CBLN2: variants seen among roughly 807,000 people sequenced by gnomAD.
CBLN2 encodes cerebellin 2 precursor.
CBLN2 carries 7 observed loss-of-function variants against 15.0 expected under a neutral mutation model. The observed-to-expected ratio is 0.47, with a 90% CI of 0.27 to 0.88. The LOEUF (loss-of-function observed/expected upper bound fraction) is 0.88, where lower values mean the gene tolerates loss of function less well. CBLN2 is among the 40% of genes least tolerant of loss of function. The probability of loss-of-function intolerance (pLI) is 0.14; values close to 1 mark genes in which losing one functional copy is unlikely to be tolerated. For missense variants in CBLN2, 242 were observed against 304.5 expected, an observed-to-expected ratio of 0.79 and a Z score of 1.53; for synonymous variants, 149 against 135.2, an observed-to-expected ratio of 1.10 and a Z score of -0.71.
Position 72,542,235 on chromosome 18 carries a change from C to G in CBLN2, c.-75G>C. On this transcript the variant is annotated 5_prime_UTR_variant, in exon 3 of 5. Coordinates refer to ENST00000269503, the MANE Select transcript of CBLN2 (RefSeq NM_182511.4). ...AGCGGCGCGGAAGGGCGCGAAGGAA[C>G]GCGCGGAGCTCGCAGCAGCCTCCGG... 9.8e-7 allele frequency: 1 copy of G among 1,021,038 alleles called. No individual in the cohort carries two copies. Among genetic ancestry groups the G allele is most frequent in the Non-Finnish European group, 1.2e-6 (1 of 817,522 alleles). 63.2% of individuals were successfully genotyped at this position (1,021,038 alleles called of 1,614,324 possible).
At chr18:72,557,993 A>C (rs1414320699) in intron 1 of CBLN2, among the ~76,000 whole-genome samples, 2 of 152,218 alleles carry the variant, frequency 1.3e-5, no homozygotes, top group African/African-American at 2.4e-5. Flanking sequence ...TTTTTCCAGC[A>C]CAGAGTGCTG....
upstream of CBLN2, among the ~76,000 whole-genome samples, chr18:72,547,302 C>T (rs1172886025): frequency 1.3e-5 from 2 of 152,036 alleles, no homozygotes; most frequent in African/African-American, 2.4e-5. Flanking sequence ...AAAAAATGCG[C>T]ACACACGAAC....
chr18:72,558,283 G>A (rs895844716), intron 1 of CBLN2, among the ~76,000 whole-genome samples: 26 of 152,228 alleles, frequency 1.7e-4, no homozygotes, highest in African/African-American at 6.0e-4. Flanking sequence ...GGACACTCTG[G>A]GTTTGGTGCT....
At chr18:72,618,282 T>A (rs567134143) in intron 1 of CBLN2, 2 of 366,554 alleles carry the variant, frequency 5.5e-6, no homozygotes, top group African/African-American at 4.1e-5. Flanking sequence ...TAAGTCAGAG[T>A]CTCCTAAAGA....
upstream of CBLN2, among the ~76,000 whole-genome samples, chr18:72,549,023 T>A (rs961914685): frequency 6.6e-5 from 10 of 152,130 alleles, no homozygotes; most frequent in Non-Finnish European, 2.9e-5. Context: ...ATTTATTTTT[T>A]ATTTTTTTAA....
At chr18:72,615,227 T>C (rs2069651976) in intron 1 of CBLN2, among the ~76,000 whole-genome samples, 1 of 139,564 alleles carries the variant, frequency 7.2e-6, no homozygotes, top group Non-Finnish European at 1.5e-5. Flanking sequence ...TATATGTACA[T>C]ATATATTATA....
At chr18:72,567,251 AAAT>A (rs1360427076) in intron 1 of CBLN2, among the ~76,000 whole-genome samples, 1 of 152,214 alleles carries the variant, frequency 6.6e-6, no homozygotes, top group East Asian at 1.9e-4. Context: ...TGTCAATCAA[AAAT>A]AATAATAAGA....
chr18:72,608,559 G>C (rs2069599958), intron 1 of CBLN2, among the ~76,000 whole-genome samples: 2 of 152,146 alleles, frequency 1.3e-5, no homozygotes, highest in Admixed American at 6.6e-5. Flanking sequence ...TTTTATTAGG[G>C]AGCAGCAAGT....
intron 1 of CBLN2, among the ~76,000 whole-genome samples, chr18:72,606,250 C>T (rs371493700): frequency 3.9e-5 from 6 of 152,296 alleles, no homozygotes; most frequent in South Asian, 2.1e-4. Context: ...TCATAATTAT[C>T]GTACCATTTC....
intron 1 of CBLN2, among the ~76,000 whole-genome samples, chr18:72,602,784 C>T (rs1272496815): frequency 6.6e-6 from 1 of 152,106 alleles, no homozygotes; most frequent in Non-Finnish European, 1.5e-5. Context: ...GTTTCCAGTC[C>T]AACAGTTCTC....
chr18:72,625,516 C>T (rs552307762), intron 1 of CBLN2, among the ~76,000 whole-genome samples: 1 of 151,436 alleles, frequency 6.6e-6, no homozygotes, highest in Non-Finnish European at 1.5e-5. Context: ...TTTTTCTGTT[C>T]ATTCTTGTAT....
At chr18:72,569,492 A>G (rs1296330614) in intron 1 of CBLN2, among the ~76,000 whole-genome samples, 2 of 152,202 alleles carry the variant, frequency 1.3e-5, no homozygotes, top group African/African-American at 4.8e-5. Flanking sequence ...CTGTGTTACA[A>G]TAAAGGAATA....
At chr18:72,593,443 T>C (rs2069493319) in intron 1 of CBLN2, among the ~76,000 whole-genome samples, 1 of 152,158 alleles carries the variant, frequency 6.6e-6, no homozygotes, top group Non-Finnish European at 1.5e-5. Flanking sequence ...TATAAGATTA[T>C]AACATCTACA....
At chr18:72,569,876 G>A (rs999562971) in intron 1 of CBLN2, among the ~76,000 whole-genome samples, 5 of 152,158 alleles carry the variant, frequency 3.3e-5, no homozygotes, top group African/African-American at 1.2e-4. Flanking sequence ...GAGGTTTGGA[G>A]GGAACAAACA....
intron 1 of CBLN2, among the ~76,000 whole-genome samples, chr18:72,609,958 C>A (rs773703373): frequency 2.6e-4 from 39 of 152,136 alleles, no homozygotes; most frequent in Non-Finnish European, 4.7e-4. Flanking sequence ...GCCTGTCTCA[C>A]TGAAACTCGC....
intron 1 of CBLN2, among the ~76,000 whole-genome samples, chr18:72,598,384 T>C (rs1302844168): frequency 6.6e-6 from 1 of 152,206 alleles, no homozygotes. Context: ...ACTCTGCCTG[T>C]TGGCCTATTC....
chr18:72,623,298 T>G (rs1299983453), intron 1 of CBLN2, among the ~76,000 whole-genome samples: 3 of 152,104 alleles, frequency 2.0e-5, no homozygotes, highest in Non-Finnish European at 4.4e-5. Context: ...AACACTTAAT[T>G]GATTTCTACC....
intron 1 of CBLN2, among the ~76,000 whole-genome samples, chr18:72,634,934 A>G (rs1221733265): frequency 6.6e-6 from 1 of 152,126 alleles, no homozygotes; most frequent in Non-Finnish European, 1.5e-5. Flanking sequence ...AGATGAACCC[A>G]TTCTTCTTTG....
chr18:72,578,386 T>G (rs1372894494), intron 1 of CBLN2, among the ~76,000 whole-genome samples: 3 of 152,138 alleles, frequency 2.0e-5, no homozygotes. Flanking sequence ...CCACTTATAT[T>G]GAGGTAATGG....
Sources: gnomAD v4.1 joint callset for allele counts (sites outside exome capture counted in the v4.1 genomes callset) on GRCh38, gnomAD v4.1.1 for gene constraint, MANE v1.5 for transcripts, NCBI Gene and HGNC (gene_info 2026-07-23, HGNC 2026-07-21) for gene names.